The following NRG2 variants were observed in gnomAD, a reference collection of about 807,000 sequenced individuals.
NRG2 encodes neuregulin 2, also known as pro-neuregulin-2, membrane-bound isoform.
NRG2 carries 27 observed loss-of-function variants against 73.9 expected under a neutral mutation model. The ratio of observed to expected loss-of-function variants is 0.37; its 90% CI spans 0.27 to 0.50. The LOEUF is 0.50. Ranked by LOEUF, NRG2 falls within the 20% of genes least tolerant of loss-of-function variation. The probability of loss-of-function intolerance (pLI) is 0.96; values close to 1 mark genes in which losing one functional copy is unlikely to be tolerated. For missense variants in NRG2, 1,126 were observed against 1,210.1 expected (o/e 0.93, Z 1.03); for synonymous variants, 532 against 541.0 (o/e 0.98, Z 0.23).
chr5:140,016,852 T>A (rs1448833725), intron 1 of NRG2, among the ~76,000 whole-genome samples: 1 of 152,176 alleles, frequency 6.6e-6, no homozygotes, highest in African/African-American at 2.4e-5. Flanking sequence ...AAGGCTGCTG[T>A]GGCCAAGGGT....
chr5:139,989,583 AT>A (rs914686942), intron 1 of NRG2, among the ~76,000 whole-genome samples: 2 of 151,868 alleles, frequency 1.3e-5, no homozygotes, highest in African/African-American at 4.8e-5. Flanking sequence ...TTAATAAAAA[AT>A]ATCCCGTGGC....
chr5:139,884,276 G>A (rs981323790), intron 2 of NRG2, among the ~76,000 whole-genome samples: 1 of 152,214 alleles, frequency 6.6e-6, no homozygotes, highest in Non-Finnish European at 1.5e-5. Flanking sequence ...TTAGGAAGGT[G>A]TCCCAGAGAG....
intron 1 of NRG2, among the ~76,000 whole-genome samples, chr5:139,917,267 T>C (rs1751326396): frequency 6.6e-6 from 1 of 152,218 alleles, no homozygotes; most frequent in Non-Finnish European, 1.5e-5. Flanking sequence ...TTTTTGTTTT[T>C]TTGAGACAAG....
chr5:139,905,549 C>T (rs1212284155), intron 1 of NRG2, among the ~76,000 whole-genome samples: 1 of 152,186 alleles, frequency 6.6e-6, no homozygotes, highest in African/African-American at 2.4e-5. Flanking sequence ...AGCTCCAGGG[C>T]TGTCTGGGGA....
At chr5:139,970,499 G>T (rs181308228) in intron 1 of NRG2, among the ~76,000 whole-genome samples, 1 of 151,664 alleles carries the variant, frequency 6.6e-6, no homozygotes, top group Non-Finnish European at 1.5e-5. Flanking sequence ...AATTTGGGCT[G>T]ACTACTTGGC....
Position 139,851,461 on chromosome 5 carries a change from CT to C in NRG2, c.1772+142del. The C allele has an allele frequency of 2.5e-6, 2 of 794,254 alleles. No individual in the cohort carries two copies. Among genetic ancestry groups the C allele is most frequent in the Non-Finnish European group, 4.0e-6 (2 of 504,952 alleles). 49.2% of individuals were successfully genotyped at this position (794,254 alleles called of 1,614,324 possible). On this transcript the variant is annotated intron_variant, in intron 9 of 9. Transcript: ENST00000361474. This position sits in a 1 kb window ranked among gnomAD's most constrained non-coding sequence, Gnocchi z 4.2. Reference sequence around the variant, plus strand: ...GATGGCTCTGAGCAGGCCATTTCACCTTTTCTAGGACCTTGTTTTCCCATAT... The same window carrying C: ...GATGGCTCTGAGCAGGCCATTTCACCTTTCTAGGACCTTGTTTTCCCATAT...
At chr5:139,980,259 G>T (rs1287568510) in intron 1 of NRG2, among the ~76,000 whole-genome samples, 1 of 151,978 alleles carries the variant, frequency 6.6e-6, no homozygotes, top group African/African-American at 2.4e-5. Flanking sequence ...CTTGAAAACG[G>T]AGGGGCCCTG....
chr5:140,018,743 G>C (rs539550417), intron 1 of NRG2, among the ~76,000 whole-genome samples: 1 of 152,326 alleles, frequency 6.6e-6, no homozygotes, highest in East Asian at 1.9e-4. Flanking sequence ...GTCAGCGCTT[G>C]ACTCCTGCAG....
chr5:140,042,031 C>T (rs1761963456), intron 1 of NRG2, among the ~76,000 whole-genome samples: 2 of 152,154 alleles, frequency 1.3e-5, no homozygotes, highest in African/African-American at 4.8e-5. Context: ...GAGCCTCAGG[C>T]CAGCACCGCC....
chr5:139,983,603 A>ACC (rs1178894409), intron 1 of NRG2, among the ~76,000 whole-genome samples: 1 of 152,192 alleles, frequency 6.6e-6, no homozygotes, highest in Non-Finnish European at 1.5e-5. Context: ...AGGCAAAAGA[A>ACC]CCTTTGCTTA....
intron 1 of NRG2, among the ~76,000 whole-genome samples, chr5:139,933,480 G>C (rs774982403): frequency 6.6e-5 from 10 of 152,062 alleles, no homozygotes; most frequent in Non-Finnish European, 1.5e-4. Context: ...TAGGCTTCAA[G>C]AAAAGGAATA....
rs1753853704 is a variant in NRG2, at chr5:139,947,138, C to T, written c.701-59627G>A. Among the ~76,000 whole-genome samples the T allele has an allele frequency of 1.3e-5, 2 of 152,086 alleles. 1 individual carries two copies. The highest frequency in any genetic ancestry group is 4.1e-4 in the South Asian group (2 of 4,830). ...ATTCACACATTTAAAGTGTGCAATT[C>T]AATGATTTTTAAATATATTCAAAGA... On this transcript the variant is annotated intron_variant, in intron 1 of 9. Coordinates refer to ENST00000361474, the MANE Select transcript of NRG2 (RefSeq NM_004883.3).
intron 2 of NRG2, among the ~76,000 whole-genome samples, chr5:139,885,432 A>C (rs1163392925): frequency 6.6e-6 from 1 of 152,082 alleles, no homozygotes; most frequent in Non-Finnish European, 1.5e-5. Flanking sequence ...AGCCATCGAG[A>C]GGTTGGGATG....
At chr5:139,884,402 G>A (rs77363425) in intron 2 of NRG2, among the ~76,000 whole-genome samples, 4,290 of 152,286 alleles carry the variant, frequency 0.028, 76 homozygotes, top group Non-Finnish European at 0.041. Flanking sequence ...AAAGACCAGC[G>A]GCCGAGAGTG....
rs539414759 is a variant in NRG2 at position 139,961,406 on chromosome 5, A to G, written c.701-73895T>C. On this transcript the variant is annotated intron_variant, in intron 1 of 9. Transcript: ENST00000361474. ...GCCAGGACTCAGGCTCCAGCCCTGC[A>G]TGTGACACATCACTCTAGAGGACAA... Among the ~76,000 whole-genome samples, 678 of 119,740 alleles carry G rather than the reference A, an allele frequency of 5.7e-3. 9 individuals carry two copies. The highest frequency in any genetic ancestry group is 0.021 in the African/African-American group (662 of 31,706). 78.6% of individuals were successfully genotyped at this position (119,740 alleles called of 152,430 possible). A position where few individuals can be genotyped will look rare whatever the true frequency, so the allele number is the denominator to read the frequency against.
At chr5:139,992,338 GCTAA>G (rs1338160107) in intron 1 of NRG2, among the ~76,000 whole-genome samples, 2 of 152,132 alleles carry the variant, frequency 1.3e-5, no homozygotes, top group Non-Finnish European at 2.9e-5. Context: ...CTTATATCAA[GCTAA>G]CTGACTAAAT....
chr5:139,993,931 A>G (rs1757838907), intron 1 of NRG2, among the ~76,000 whole-genome samples: 1 of 152,192 alleles, frequency 6.6e-6, no homozygotes, highest in South Asian at 2.1e-4. Flanking sequence ...TATTACTGGT[A>G]TTTATGTTAT....
intron 1 of NRG2, among the ~76,000 whole-genome samples, chr5:139,976,452 A>G (rs1018484230): frequency 2.6e-5 from 4 of 152,186 alleles, no homozygotes; most frequent in Non-Finnish European, 5.9e-5. Flanking sequence ...CTATATAATG[A>G]GTGATCTATT....
At chr5:140,026,885 A>C (rs1200816201) in intron 1 of NRG2, among the ~76,000 whole-genome samples, 4 of 152,206 alleles carry the variant, frequency 2.6e-5, no homozygotes, top group African/African-American at 7.2e-5. Context: ...GCTCAGTTTG[A>C]GAATTTTTGA....
Sources: allele counts gnomAD v4.1 joint callset (sites outside exome capture counted in the v4.1 genomes callset), GRCh38; gene constraint gnomAD v4.1.1; non-coding constraint Gnocchi (gnomAD v3.1); transcripts MANE v1.5; gene names NCBI Gene and HGNC (gene_info 2026-07-23, HGNC 2026-07-21).